Variants in TBC1D32 observed in about 807,000 individuals in gnomAD.
The protein encoded by TBC1D32 is protein broad-minded.
A neutral mutation model predicts 170.3 loss-of-function variants in TBC1D32; 151 were observed. That is an observed-to-expected ratio of 0.89 (90% CI 0.78 to 1.01). TBC1D32 has a LOEUF of 1.01. TBC1D32 is among the 50% of genes least tolerant of loss of function. The probability of loss-of-function intolerance (pLI) is 0.00; values close to 1 mark genes in which losing one functional copy is unlikely to be tolerated. For missense variants in TBC1D32, 1,464 were observed against 1,457.1 expected, an observed-to-expected ratio of 1.00 and a Z score of -0.08; for synonymous variants, 498 against 488.0, an observed-to-expected ratio of 1.02 and a Z score of -0.27.
intron 2 of TBC1D32, among the ~76,000 whole-genome samples, chr6:121,319,687 T>C (rs1400204085): frequency 6.6e-6 from 1 of 152,162 alleles, no homozygotes; most frequent in African/African-American, 2.4e-5. Context: ...AACATGAATG[T>C]TTCCAACAGA....
chr6:121,152,811 ATGC>A (rs1784380110), intron 24 of TBC1D32, among the ~76,000 whole-genome samples: 1 of 152,038 alleles, frequency 6.6e-6, no homozygotes, highest in Middle Eastern at 3.2e-3. Flanking sequence ...ATACTTGTGT[ATGC>A]TTCACAATTT....
intron 4 of TBC1D32, among the ~76,000 whole-genome samples, chr6:121,309,176 G>A (rs1483153051): frequency 6.6e-6 from 1 of 152,134 alleles, no homozygotes; most frequent in Non-Finnish European, 1.5e-5. Flanking sequence ...GGGAAATATT[G>A]AGAGATTTAA....
chr6:121,304,854 A>C (rs761828630), intron 5 of TBC1D32, 21 bp from the exon 6 acceptor site: 29 of 1,539,590 alleles, frequency 1.9e-5, no homozygotes, highest in Non-Finnish European at 2.6e-5. Context: ...GAGACAGAAA[A>C]TTTGCATCTA....
chr6:121,255,470 T>A, intron 16 of TBC1D32, 60 bp from the exon 17 acceptor site: 1 of 377,952 alleles, frequency 2.6e-6, no homozygotes, highest in Non-Finnish European at 4.4e-6. Context: ...ATATTTATAT[T>A]TTATAATTAT....
At chr6:121,290,638 T>C (rs1321490433) in intron 12 of TBC1D32, among the ~76,000 whole-genome samples, 1 of 152,168 alleles carries the variant, frequency 6.6e-6, no homozygotes, top group Non-Finnish European at 1.5e-5. Context: ...GACCCAGCAG[T>C]CCCATTACTG....
intron 19 of TBC1D32, among the ~76,000 whole-genome samples, chr6:121,239,773 T>C (rs1796720368): frequency 6.6e-6 from 1 of 152,100 alleles, no homozygotes; most frequent in South Asian, 2.1e-4. Context: ...AAAATGAATA[T>C]AAAACCTGAT....
intron 26 of TBC1D32, among the ~76,000 whole-genome samples, chr6:121,122,349 C>T (rs1367640605): frequency 6.6e-6 from 1 of 152,000 alleles, no homozygotes; most frequent in East Asian, 1.9e-4. Flanking sequence ...TTATAAAATG[C>T]AAATTAGGAT....
At chr6:121,237,507 T>A (rs1796469224) in intron 20 of TBC1D32, among the ~76,000 whole-genome samples, 1 of 152,020 alleles carries the variant, frequency 6.6e-6, no homozygotes, top group South Asian at 2.1e-4. Flanking sequence ...ATTACATACA[T>A]GTTAAACATT....
chr6:121,231,160 T>C lies in TBC1D32; in HGVS notation c.2365-7808A>G, dbSNP rs145376837. ...AAAGAGGAAGATCCAGTTTCATTCT[T>C]CTACATGTGGCTTGCTAATTATCCC... is the stretch of plus-strand genomic sequence containing the variant. On this transcript the variant is annotated intron_variant, in intron 20 of 31. Coordinates refer to ENST00000398212, the MANE Select transcript of TBC1D32 (RefSeq NM_152730.6). Among the ~76,000 whole-genome samples the C allele has an allele frequency of 4.9e-3, 751 of 152,302 alleles. 7 individuals are homozygous for C. Among genetic ancestry groups the C allele is most frequent in the African/African-American group, 0.017 (718 of 41,580 alleles).
At chr6:121,085,248 TATATATATAC>T (rs1032127789) in intron 31 of TBC1D32, among the ~76,000 whole-genome samples, 3 of 115,724 alleles carry the variant, frequency 2.6e-5, no homozygotes, top group Admixed American at 9.1e-5. Flanking sequence ...TATACATACG[TATATATATAC>T]ACATATATAC....
intron 17 of TBC1D32, among the ~76,000 whole-genome samples, chr6:121,248,428 T>G (rs1410735318): frequency 6.7e-6 from 1 of 149,732 alleles, no homozygotes; most frequent in Non-Finnish European, 1.5e-5. Flanking sequence ...AAGAACAAAC[T>G]AAACCCAAAC....
intron 23 of TBC1D32, 59 bp downstream of exon 23, chr6:121,160,889 T>G: frequency 7.4e-7 from 1 of 1,345,946 alleles, no homozygotes; most frequent in South Asian, 1.2e-5. Flanking sequence ...TTGAGTTGGC[T>G]ATCTTGCTTC....
chr6:121,113,339 T>A (rs73768911), intron 27 of TBC1D32, among the ~76,000 whole-genome samples, 162 bp from the exon 28 acceptor site: 4,910 of 152,294 alleles, frequency 0.032, 269 homozygotes, highest in African/African-American at 0.11. Flanking sequence ...ACAGTATTCA[T>A]CTGGCAAATA....
intron 21 of TBC1D32, among the ~76,000 whole-genome samples, chr6:121,217,650 G>A (rs947291773): frequency 2.6e-5 from 4 of 152,162 alleles, no homozygotes; most frequent in African/African-American, 9.7e-5. Context: ...TTAGAGGGTA[G>A]GAGGTGGAGA....
chr6:121,107,757 T>C (rs1027465371), intron 29 of TBC1D32, among the ~76,000 whole-genome samples: 2 of 152,006 alleles, frequency 1.3e-5, no homozygotes, highest in African/African-American at 4.8e-5. Flanking sequence ...TCTGAATACA[T>C]GTCTAATAGT....
chr6:121,110,134 C>T (rs1284604428), intron 29 of TBC1D32, among the ~76,000 whole-genome samples: 3 of 151,498 alleles, frequency 2.0e-5, no homozygotes, highest in African/African-American at 4.8e-5. Context: ...ACCTGTAGTC[C>T]CAGCTACTCG....
intron 22 of TBC1D32, among the ~76,000 whole-genome samples, chr6:121,203,891 T>A (rs1446118620): frequency 1.3e-5 from 2 of 151,286 alleles, no homozygotes; most frequent in Admixed American, 6.6e-5. Context: ...GCATTTCACT[T>A]CTTGGATTGC....
chr6:121,258,644 C>T (rs143114887), intron 15 of TBC1D32, among the ~76,000 whole-genome samples: 307 of 152,160 alleles, frequency 2.0e-3, no homozygotes, highest in Admixed American at 3.3e-3. Context: ...AAAATATAAA[C>T]AAATATGATC....
intron 29 of TBC1D32, among the ~76,000 whole-genome samples, chr6:121,108,274 G>A (rs1027403012): frequency 1.3e-5 from 2 of 151,952 alleles, no homozygotes; most frequent in Admixed American, 1.3e-4. Flanking sequence ...ATAATACGAG[G>A]TCTTCTGAAT....
Sources: gnomAD v4.1 joint callset for allele counts (sites outside exome capture counted in the v4.1 genomes callset) on GRCh38, gnomAD v4.1.1 for gene constraint, MANE v1.5 for transcripts, NCBI Gene and HGNC (gene_info 2026-07-23, HGNC 2026-07-21) for gene names.